Variants in IL1RAPL2 observed in about 807,000 individuals in gnomAD.
IL1RAPL2 encodes interleukin 1 receptor accessory protein like 2.
In IL1RAPL2, 3 loss-of-function variants were observed where a neutral mutation model predicts 44.1. The observed-to-expected ratio is 0.07, with a 90% CI of 0.03 to 0.18. The LOEUF (loss-of-function observed/expected upper bound fraction) is 0.18, where lower values mean the gene tolerates loss of function less well. Ranked by LOEUF, IL1RAPL2 falls within the 10% of genes least tolerant of loss-of-function variation. The probability of loss-of-function intolerance (pLI) is 1.00; values close to 1 mark genes in which losing one functional copy is unlikely to be tolerated. For missense variants in IL1RAPL2, 391 were observed against 496.4 expected, an observed-to-expected ratio of 0.79 and a Z score of 2.02; for synonymous variants, 181 against 178.8, an observed-to-expected ratio of 1.01 and a Z score of -0.10.
At chrX:105,743,298 C>A (rs2038515344) in intron 8 of IL1RAPL2, among the ~76,000 whole-genome samples, 1 of 111,851 alleles carries the variant, frequency 8.9e-6, no homozygotes. Context: ...CTATAAGGCA[C>A]TACACAATCT....
At chrX:104,703,295 T>C (rs1487081118) in intron 2 of IL1RAPL2, among the ~76,000 whole-genome samples, 1 of 111,599 alleles carries the variant, frequency 9.0e-6, no homozygotes, top group Non-Finnish European at 1.9e-5. Context: ...TGATCAACTA[T>C]AAAGGACTGG....
intron 2 of IL1RAPL2, among the ~76,000 whole-genome samples, chrX:105,184,142 G>A (rs969528151): frequency 2.6e-4 from 29 of 111,766 alleles, no homozygotes; most frequent in African/African-American, 9.1e-4. Context: ...GCCTATCCTA[G>A]CCAAGCAAGC....
intron 6 of IL1RAPL2, among the ~76,000 whole-genome samples, chrX:105,667,061 C>G (rs886981285): frequency 2.7e-5 from 3 of 112,284 alleles, no homozygotes; most frequent in African/African-American, 9.7e-5. Context: ...GGTCTCCCTA[C>G]ATCTCCCCCT....
At chrX:105,532,585 T>A (rs756560765) in intron 6 of IL1RAPL2, among the ~76,000 whole-genome samples, 1 of 111,124 alleles carries the variant, frequency 9.0e-6, no homozygotes, top group East Asian at 2.8e-4. Context: ...CCCCATTTTT[T>A]AAATGTATGT....
chrX:105,224,120 A>T (rs1160169079), intron 3 of IL1RAPL2, among the ~76,000 whole-genome samples: 1 of 110,766 alleles, frequency 9.0e-6, no homozygotes, highest in Non-Finnish European at 1.9e-5. Context: ...CAGGACAAAA[A>T]AACAGAGGAA....
chrX:105,659,763 C>A lies in IL1RAPL2; in HGVS notation c.773-57604C>A, dbSNP rs210554. Among the ~76,000 whole-genome samples, 871 of 109,142 alleles carry A rather than the reference C, an allele frequency of 8.0e-3. 9 individuals carry two copies. Among genetic ancestry groups the A allele is most frequent in the South Asian group, 0.065 (159 of 2,464 alleles). 94.8% of individuals were successfully genotyped at this position (109,142 alleles called of 115,157 possible). A position where few individuals can be genotyped will look rare whatever the true frequency, so the allele number is the denominator to read the frequency against. On this transcript the variant is annotated intron_variant, in intron 6 of 10. Coordinates refer to ENST00000372582, the MANE Select transcript of IL1RAPL2 (RefSeq NM_017416.2). ...AGAATGTATCACATTCTCTTAACAG[C>A]AGAGCTGATCAAGCAGAAGAAAGAT...
chrX:105,139,320 A>G (rs1788630437), intron 2 of IL1RAPL2, among the ~76,000 whole-genome samples: 1 of 111,569 alleles, frequency 9.0e-6, no homozygotes, highest in African/African-American at 3.3e-5. Context: ...TAAATCATAT[A>G]TAGATTAATT....
intron 3 of IL1RAPL2, among the ~76,000 whole-genome samples, chrX:105,202,038 G>C (rs1408451659): frequency 9.0e-6 from 1 of 111,467 alleles, no homozygotes; most frequent in South Asian, 3.7e-4. Flanking sequence ...AAATTATATA[G>C]GAAAATTTTT....
chrX:104,878,872 A>G (rs142787403), intron 2 of IL1RAPL2, among the ~76,000 whole-genome samples: 1,269 of 110,802 alleles, frequency 0.011, 42 homozygotes, highest in East Asian at 0.095. Context: ...TGATGGGAGC[A>G]AGTTTCGAAA....
intron 2 of IL1RAPL2, among the ~76,000 whole-genome samples, chrX:104,692,298 C>A (rs12389812): frequency 0.49 from 53,709 of 108,663 alleles, 10,080 homozygotes; most frequent in African/African-American, 0.63. Flanking sequence ...TTACAATACA[C>A]CTTATTTTGC....
At chrX:104,857,646 G>C (rs1233139465) in intron 2 of IL1RAPL2, among the ~76,000 whole-genome samples, 2 of 111,306 alleles carry the variant, frequency 1.8e-5, no homozygotes, top group Non-Finnish European at 3.8e-5. Context: ...GGCCAAGATG[G>C]ATTGCCTATG....
chrX:105,093,742 A>G (rs181425998), intron 2 of IL1RAPL2, among the ~76,000 whole-genome samples: 29 of 111,842 alleles, frequency 2.6e-4, no homozygotes, highest in African/African-American at 8.1e-4. Flanking sequence ...AACCTACTAC[A>G]GTGGCTAGCA....
At chrX:104,792,013 T>C (rs1422881171) in intron 2 of IL1RAPL2, among the ~76,000 whole-genome samples, 2 of 111,425 alleles carry the variant, frequency 1.8e-5, no homozygotes, top group Non-Finnish European at 3.8e-5. Context: ...TTGCTTCATA[T>C]AGTCTATCAA....
chrX:105,165,473 A>G (rs1438909606), intron 2 of IL1RAPL2, among the ~76,000 whole-genome samples: 1 of 111,635 alleles, frequency 9.0e-6, no homozygotes. Context: ...AACTATGGTG[A>G]CAATTTCATA....
chrX:105,020,733 T>A (rs186237674), intron 2 of IL1RAPL2, among the ~76,000 whole-genome samples: 9 of 111,422 alleles, frequency 8.1e-5, no homozygotes, highest in African/African-American at 2.6e-4. Flanking sequence ...CTAGTAATTA[T>A]CAGGTGACAG....
chrX:105,359,180 A>G (rs1039021305), intron 5 of IL1RAPL2, among the ~76,000 whole-genome samples: 1 of 111,494 alleles, frequency 9.0e-6, no homozygotes, highest in Non-Finnish European at 1.9e-5. Context: ...CATTGGCCCT[A>G]AAGAACCTAC....
chrX:105,160,085 G>A (rs764736596), intron 2 of IL1RAPL2, among the ~76,000 whole-genome samples: 6 of 106,728 alleles, frequency 5.6e-5, no homozygotes, highest in Admixed American at 1.0e-4. Flanking sequence ...GATCCAATCT[G>A]AGGCCTGTAT....
intron 7 of IL1RAPL2, among the ~76,000 whole-genome samples, chrX:105,734,530 T>C (rs1468005674): frequency 9.0e-6 from 1 of 111,708 alleles, no homozygotes; most frequent in Non-Finnish European, 1.9e-5. Flanking sequence ...TCACTGGGAA[T>C]ACAGGTGCAC....
intron 6 of IL1RAPL2, among the ~76,000 whole-genome samples, chrX:105,585,874 A>G (rs2037124590): frequency 8.9e-6 from 1 of 112,386 alleles, no homozygotes; most frequent in African/African-American, 3.2e-5. Flanking sequence ...TCCTTTGGGT[A>G]TACACCCAGT....
Sources: allele counts gnomAD v4.1 joint callset (sites outside exome capture counted in the v4.1 genomes callset), GRCh38; gene constraint gnomAD v4.1.1; transcripts MANE v1.5; gene names NCBI Gene and HGNC (gene_info 2026-07-23, HGNC 2026-07-21).